Variants in JARID2 observed in about 807,000 individuals in gnomAD.
JARID2 encodes the protein protein Jumonji.
JARID2 carries 21 observed loss-of-function variants against 125.6 expected under a neutral mutation model. That is an observed-to-expected ratio of 0.17 (90% CI 0.12 to 0.24). JARID2 has a LOEUF of 0.24. JARID2 is among the 10% of genes least tolerant of loss of function. JARID2 has a pLI of 1.00. For missense variants in JARID2, 1,303 were observed against 1,639.6 expected (o/e 0.79, Z 3.55); for synonymous variants, 736 against 661.6 (o/e 1.11, Z -1.73).
At chr6:15,353,117 GC>G (rs1236214643) in intron 1 of JARID2, among the ~76,000 whole-genome samples, 11 of 152,112 alleles carry the variant, frequency 7.2e-5, no homozygotes, top group African/African-American at 2.4e-4. Context: ...TTGAGTAATA[GC>G]CTTTTGAGTA....
At chr6:15,371,712 G>T (rs1176041993) in intron 1 of JARID2, among the ~76,000 whole-genome samples, 1 of 152,160 alleles carries the variant, frequency 6.6e-6, no homozygotes, top group East Asian at 1.9e-4. Flanking sequence ...GATTGGGAAG[G>T]TCTCCAGTGA....
intron 1 of JARID2, among the ~76,000 whole-genome samples, chr6:15,332,034 A>G (rs982127398): frequency 6.6e-6 from 1 of 152,166 alleles, no homozygotes; most frequent in African/African-American, 2.4e-5. Context: ...TGCTTGATGC[A>G]GGAACTGATG....
At chr6:15,440,828 AT>A (rs1160011777) in intron 3 of JARID2, among the ~76,000 whole-genome samples, 1 of 152,226 alleles carries the variant, frequency 6.6e-6, no homozygotes, top group Non-Finnish European at 1.5e-5. Context: ...CTATTAGCAG[AT>A]TTTTTAAATT....
intron 3 of JARID2, among the ~76,000 whole-genome samples, chr6:15,435,861 G>A (rs150323542): frequency 8.8e-4 from 133 of 151,612 alleles, no homozygotes; most frequent in African/African-American, 3.1e-3. Flanking sequence ...CAGGAGTACA[G>A]AGCAAACCAA....
chr6:15,380,065 T>C (rs1764520404), intron 2 of JARID2, among the ~76,000 whole-genome samples: 1 of 151,730 alleles, frequency 6.6e-6, no homozygotes, highest in Non-Finnish European at 1.5e-5. Flanking sequence ...GGAGTCTTGC[T>C]TGCTCTGTTG....
chr6:15,371,511 C>T (rs1315257244), intron 1 of JARID2, among the ~76,000 whole-genome samples: 1 of 152,208 alleles, frequency 6.6e-6, no homozygotes, highest in Non-Finnish European at 1.5e-5. Context: ...TAAGCATTAA[C>T]TCCTCCTGCA....
intron 1 of JARID2, among the ~76,000 whole-genome samples, chr6:15,273,615 C>T (rs1760383685): frequency 1.3e-5 from 2 of 152,298 alleles, no homozygotes; most frequent in South Asian, 2.1e-4. Flanking sequence ...GCAGAAGAAT[C>T]GCTTGAACCT....
chr6:15,345,752 C>A (rs1053053978), intron 1 of JARID2, among the ~76,000 whole-genome samples: 8 of 152,114 alleles, frequency 5.3e-5, no homozygotes, highest in Admixed American at 3.3e-4. Flanking sequence ...CATTTTCTTA[C>A]GTTTTCTTAG....
chr6:15,470,210 G>A (rs1012804554), intron 5 of JARID2, among the ~76,000 whole-genome samples: 2 of 151,796 alleles, frequency 1.3e-5, no homozygotes, highest in South Asian at 4.2e-4. Context: ...GAAAGAGGAG[G>A]GAAGCAAAGA....
chr6:15,499,447 C>T (rs1006756299), intron 7 of JARID2, among the ~76,000 whole-genome samples: 1 of 152,152 alleles, frequency 6.6e-6, no homozygotes, highest in South Asian at 2.1e-4. Context: ...GGTGCTCTTG[C>T]GTTATAATCT....
rs139773787 is a variant in JARID2, at chr6:15,297,800, G to A, written c.45+51216G>A. Among the ~76,000 whole-genome samples, 5 of 151,946 alleles carry A rather than the reference G, an allele frequency of 3.3e-5. No individual in the cohort carries two copies. In the East Asian group the frequency reaches 9.7e-4, roughly 29 times the overall value. On this transcript the variant is annotated intron_variant, in intron 1 of 17. Transcript: ENST00000341776. ...CTCCTGTCAGAGTTAGCAGGAGAGT[G>A]GAAACAAGTACTAGATTATTTAGTA...
chr6:15,450,670 G>T (rs1166447139), intron 3 of JARID2, among the ~76,000 whole-genome samples: 1 of 152,084 alleles, frequency 6.6e-6, no homozygotes, highest in Non-Finnish European at 1.5e-5. Flanking sequence ...TTTAAAGTAG[G>T]GCCCAGTTTC....
chr6:15,473,581 G>C (rs182965550), intron 5 of JARID2, among the ~76,000 whole-genome samples: 8 of 140,288 alleles, frequency 5.7e-5, no homozygotes, highest in African/African-American at 2.1e-4. Context: ...GTCCTTAAGA[G>C]GGGGGTGGTG....
chr6:15,306,662 T>C (rs373131820), intron 1 of JARID2, among the ~76,000 whole-genome samples: 26 of 151,932 alleles, frequency 1.7e-4, no homozygotes, highest in East Asian at 1.4e-3. Flanking sequence ...TTCATAAGGA[T>C]CATACTGTTT....
intron 1 of JARID2, among the ~76,000 whole-genome samples, chr6:15,371,334 A>AT (rs1764164098): frequency 6.6e-6 from 1 of 152,222 alleles, no homozygotes; most frequent in Admixed American, 6.5e-5. Context: ...GGGCCTTATA[A>AT]TTTATAAACT....
chr6:15,512,455 C>T (rs1417273858), intron 14 of JARID2, 65 bp downstream of exon 14: 3 of 1,442,762 alleles, frequency 2.1e-6, no homozygotes, highest in Non-Finnish European at 1.9e-6. Flanking sequence ...TGCGTGAGCG[C>T]ACACAGAAGC....
intron 2 of JARID2, among the ~76,000 whole-genome samples, chr6:15,379,584 C>T (rs567373750): frequency 6.6e-6 from 1 of 152,300 alleles, no homozygotes; most frequent in African/African-American, 2.4e-5. Flanking sequence ...AGTCCTTTGG[C>T]CAGCAAAACA....
intron 3 of JARID2, among the ~76,000 whole-genome samples, chr6:15,414,611 C>CCCTTCAGAATCTG (rs1766048080): frequency 6.6e-6 from 1 of 152,106 alleles, no homozygotes; most frequent in Non-Finnish European, 1.5e-5. Flanking sequence ...AAGCCAGTCC[C>CCCTTCAGAATCTG]CCTTCAGAAT....
At chr6:15,384,369 T>G (rs952956162) in intron 2 of JARID2, among the ~76,000 whole-genome samples, 1 of 144,874 alleles carries the variant, frequency 6.9e-6, no homozygotes, top group African/African-American at 2.5e-5. Context: ...TGGCCCACTT[T>G]GATTTTTTTT....
Sources: allele counts gnomAD v4.1 joint callset (sites outside exome capture counted in the v4.1 genomes callset), GRCh38; gene constraint gnomAD v4.1.1; transcripts MANE v1.5; gene names NCBI Gene and HGNC (gene_info 2026-07-23, HGNC 2026-07-21).